RBMS3: variants seen among roughly 807,000 people sequenced by gnomAD.
RBMS3 encodes RNA-binding motif, single-stranded-interacting protein 3.
RBMS3 carries 27 observed loss-of-function variants against 66.8 expected under a neutral mutation model. The ratio of observed to expected loss-of-function variants is 0.40; its 90% CI spans 0.30 to 0.56. The LOEUF (loss-of-function observed/expected upper bound fraction) is 0.56, where lower values mean the gene tolerates loss of function less well. RBMS3 is among the 20% of genes least tolerant of loss of function. The pLI is 0.40. For missense variants in RBMS3, 513 were observed against 549.5 expected (o/e 0.93, Z 0.66); for synonymous variants, 188 against 183.0 (o/e 1.03, Z -0.22).
rs1033094697 is a variant in RBMS3, at chr3:29,899,722, G to T, written c.906G>T (p.Trp302Cys). The T allele has an allele frequency of 6.2e-7, 1 of 1,610,050 alleles. No homozygotes were observed. The highest frequency in any genetic ancestry group is 8.5e-7 in the Non-Finnish European group (1 of 1,177,942). Residue 302 changes from tryptophan (W) to cysteine (C), a missense_variant, in exon 10 of 15, where the codon TGG becomes TGT. Trp to Cys is a radical substitution (Grantham distance 215). Coordinates refer to ENST00000383767, the MANE Select transcript of RBMS3 (RefSeq NM_001003793.3). ...VSTYQVQSTS[W>C]MPHPPYVMQP... is the part of the protein sequence containing the mutation. ...ATGCATAGGTCCAGAGTACTTCATG[G>T]ATGCCTCATCCGCCATACGTTATGC...
chr3:29,812,388 C>T (rs1183143622), intron 6 of RBMS3, among the ~76,000 whole-genome samples: 1 of 152,074 alleles, frequency 6.6e-6, no homozygotes, highest in Non-Finnish European at 1.5e-5. Context: ...TTAAAGAGAC[C>T]GTCATTGAGT....
At chr3:29,975,845 T>G (rs1227826608) in intron 12 of RBMS3, among the ~76,000 whole-genome samples, 1 of 152,002 alleles carries the variant, frequency 6.6e-6, no homozygotes, top group African/African-American at 2.4e-5. Context: ...CATATAAATT[T>G]TAGAATGGGC....
At chr3:29,363,141 G>A (rs1002462213) in intron 1 of RBMS3, among the ~76,000 whole-genome samples, 3 of 152,104 alleles carry the variant, frequency 2.0e-5, no homozygotes, top group African/African-American at 4.8e-5. Context: ...CTCTCTCCAT[G>A]CTTTGGCCTA....
intron 3 of RBMS3, among the ~76,000 whole-genome samples, chr3:29,562,696 G>A (rs991367068): frequency 6.6e-6 from 1 of 152,164 alleles, no homozygotes; most frequent in Non-Finnish European, 1.5e-5. Context: ...CCTTCAGGGA[G>A]GATCTGCCGG....
intron 1 of RBMS3, among the ~76,000 whole-genome samples, chr3:29,314,084 A>C (rs1053659968): frequency 2.0e-5 from 3 of 151,648 alleles, no homozygotes; most frequent in Non-Finnish European, 4.4e-5. Flanking sequence ...TGGTGATAGT[A>C]ATAGAAGTCA....
intron 3 of RBMS3, among the ~76,000 whole-genome samples, chr3:29,496,920 T>C (rs1313676984): frequency 1.3e-5 from 2 of 152,250 alleles, no homozygotes; most frequent in Non-Finnish European, 2.9e-5. Context: ...ATTGCTGTTT[T>C]AAGCATCAAC....
intron 3 of RBMS3, among the ~76,000 whole-genome samples, chr3:29,500,494 T>C (rs1190906140): frequency 6.6e-6 from 1 of 151,300 alleles, no homozygotes; most frequent in Non-Finnish European, 1.5e-5. Context: ...TATTACATAA[T>C]GATGTTTTGG....
intron 1 of RBMS3, among the ~76,000 whole-genome samples, chr3:29,359,901 A>C (rs1338531259): frequency 6.6e-6 from 1 of 152,038 alleles, no homozygotes; most frequent in African/African-American, 2.4e-5. Flanking sequence ...TATCCCCTCT[A>C]TCATTTTTTC....
intron 1 of RBMS3, among the ~76,000 whole-genome samples, chr3:29,357,697 C>T (rs547931323): frequency 6.6e-6 from 1 of 152,190 alleles, no homozygotes; most frequent in Non-Finnish European, 1.5e-5. Flanking sequence ...TCTCCACATC[C>T]TTTCCAGTAC....
At chr3:29,655,345 T>C (rs900010501) in intron 4 of RBMS3, among the ~76,000 whole-genome samples, 6 of 152,200 alleles carry the variant, frequency 3.9e-5, no homozygotes, top group Admixed American at 2.6e-4. Flanking sequence ...TCATGACTAT[T>C]TCCTCTGGTG....
At chr3:29,326,731 T>C (rs2035356719) in intron 1 of RBMS3, among the ~76,000 whole-genome samples, 1 of 150,026 alleles carries the variant, frequency 6.7e-6, no homozygotes, top group Admixed American at 6.7e-5. Context: ...ACTACTGGCA[T>C]CCTTTTTTTT....
chr3:29,721,221 A>G (rs1426510535), intron 4 of RBMS3, among the ~76,000 whole-genome samples: 1 of 152,168 alleles, frequency 6.6e-6, no homozygotes, highest in African/African-American at 2.4e-5. Flanking sequence ...TCAAACTATA[A>G]CAGAGGCATT....
At chr3:29,462,159 T>G (rs1003350325) in intron 2 of RBMS3, among the ~76,000 whole-genome samples, 1 of 152,114 alleles carries the variant, frequency 6.6e-6, no homozygotes, top group South Asian at 2.1e-4. Flanking sequence ...AGAATTATAC[T>G]CATGGAAGGT....
At chr3:29,428,723 G>C (rs1321194044) in intron 1 of RBMS3, among the ~76,000 whole-genome samples, 2 of 152,122 alleles carry the variant, frequency 1.3e-5, no homozygotes, top group African/African-American at 4.8e-5. Context: ...AAATGAATCA[G>C]CTGTTTAGGA....
chr3:29,420,177 T>A (rs1559346418), intron 1 of RBMS3, among the ~76,000 whole-genome samples: 1 of 152,168 alleles, frequency 6.6e-6, no homozygotes, highest in Non-Finnish European at 1.5e-5. Context: ...CTTTGAGAAA[T>A]TTTCATGTTT....
chr3:29,973,849 C>A (rs960187527), intron 12 of RBMS3, among the ~76,000 whole-genome samples: 3 of 151,918 alleles, frequency 2.0e-5, no homozygotes, highest in Non-Finnish European at 4.4e-5. Flanking sequence ...AGTTCTTTGA[C>A]ACTGCTAAGC....
intron 4 of RBMS3, among the ~76,000 whole-genome samples, chr3:29,665,282 T>A (rs1328482826): frequency 6.6e-6 from 1 of 152,212 alleles, no homozygotes; most frequent in Non-Finnish European, 1.5e-5. Flanking sequence ...AATTCTACAT[T>A]GTCCTCAAGG....
At chr3:29,503,437 C>T (rs964973560) in intron 3 of RBMS3, among the ~76,000 whole-genome samples, 4 of 152,010 alleles carry the variant, frequency 2.6e-5, no homozygotes, top group East Asian at 1.9e-4. Context: ...TTTATTTCCT[C>T]GTACTCACTC....
At chr3:29,519,400 G>A (rs1489466033) in intron 3 of RBMS3, among the ~76,000 whole-genome samples, 3 of 152,138 alleles carry the variant, frequency 2.0e-5, no homozygotes, top group Admixed American at 6.5e-5. Flanking sequence ...AGAAGAGGAA[G>A]GAGCCTAGAA....
Sources: gnomAD v4.1 joint callset for allele counts (sites outside exome capture counted in the v4.1 genomes callset) on GRCh38, gnomAD v4.1.1 for gene constraint, MANE v1.5 for transcripts, NCBI Gene and HGNC (gene_info 2026-07-23, HGNC 2026-07-21) for gene names.